REPS2: variants seen among roughly 807,000 people sequenced by gnomAD.
REPS2 encodes the protein ralBP1-associated Eps domain-containing protein 2.
REPS2 carries 23 observed loss-of-function variants against 53.6 expected under a neutral mutation model. The observed-to-expected ratio is 0.43, with a 90% CI of 0.31 to 0.61. The LOEUF (loss-of-function observed/expected upper bound fraction) is 0.61. Among genes scored for constraint, REPS2 ranks in the 20% least tolerant of loss-of-function variants. The pLI, the probability that REPS2 is intolerant of heterozygous loss-of-function variation, is 0.11. For synonymous variants in REPS2, 238 were observed against 218.6 expected (o/e 1.09, Z -0.78); for missense variants, 446 against 534.9 (o/e 0.83, Z 1.64).
intron 1 of REPS2, among the ~76,000 whole-genome samples, chrX:16,967,186 T>A (rs2060780750): frequency 8.9e-6 from 1 of 112,046 alleles, no homozygotes; most frequent in Non-Finnish European, 1.9e-5. Flanking sequence ...AAATTTAAAT[T>A]TCAGTTTCCA....
downstream of REPS2, among the ~76,000 whole-genome samples, chrX:17,157,175 AT>A (rs2063620423): frequency 9.0e-6 from 1 of 111,380 alleles, no homozygotes; most frequent in South Asian, 3.8e-4. Context: ...TTTTAAATTT[AT>A]TTTTTAAAAA....
the REPS2 span, among the ~76,000 whole-genome samples, chrX:17,165,458 G>A: frequency 9.0e-6 from 1 of 110,899 alleles, no homozygotes; most frequent in African/African-American, 3.3e-5. Flanking sequence ...TCTCCCCTTG[G>A]GCATTTAAAG....
chrX:17,016,753 CTTTTTTCTT>C (rs1014633483), intron 2 of REPS2, among the ~76,000 whole-genome samples: 2 of 63,101 alleles, frequency 3.2e-5, no homozygotes, highest in South Asian at 8.8e-4. Context: ...AAATATTTTT[CTTTTTTCTT>C]TTTTTTTTTT....
At chrX:17,091,202 A>C (rs924998573) in intron 13 of REPS2, among the ~76,000 whole-genome samples, 1 of 112,215 alleles carries the variant, frequency 8.9e-6, no homozygotes, top group South Asian at 3.7e-4. Flanking sequence ...ACAATGGCAT[A>C]TTTTTTAGAT....
At chrX:17,119,103 A>C (rs766689624) in intron 14 of REPS2, among the ~76,000 whole-genome samples, 2 of 112,053 alleles carry the variant, frequency 1.8e-5, no homozygotes, top group African/African-American at 6.5e-5. Flanking sequence ...AGTGGGTTCT[A>C]TTGCTATCCT....
chrX:17,130,603 C>G (rs748209389), intron 14 of REPS2, among the ~76,000 whole-genome samples: 1 of 112,002 alleles, frequency 8.9e-6, no homozygotes, highest in Non-Finnish European at 1.9e-5. Flanking sequence ...GTTGCTCCCA[C>G]TAGACTTCAA....
At chrX:17,083,180 T>C (rs1484742690) in intron 13 of REPS2, among the ~76,000 whole-genome samples, 1 of 106,908 alleles carries the variant, frequency 9.4e-6, no homozygotes, top group Non-Finnish European at 1.9e-5. Flanking sequence ...TCTCCCGGGT[T>C]CATGCCCATT....
At chrX:16,975,649 G>C (rs772849968) in intron 1 of REPS2, among the ~76,000 whole-genome samples, 1 of 111,773 alleles carries the variant, frequency 8.9e-6, no homozygotes, top group Admixed American at 9.5e-5. Flanking sequence ...TGATCATTTG[G>C]TTAAATTACT....
At chrX:17,123,752 C>T (rs769949745) in intron 14 of REPS2, among the ~76,000 whole-genome samples, 66 of 112,269 alleles carry the variant, frequency 5.9e-4, no homozygotes, top group Middle Eastern at 4.6e-3. Context: ...ATATTAGTAG[C>T]GGTAATATCC....
At chrX:17,085,262 G>A (rs1054225267) in intron 13 of REPS2, among the ~76,000 whole-genome samples, 2 of 112,298 alleles carry the variant, frequency 1.8e-5, no homozygotes, top group African/African-American at 6.5e-5. Context: ...GTACCACAGT[G>A]TCTTGATAAT....
Position 17,117,890 on chromosome X carries a change from A to G in REPS2, c.1578+14111A>G, listed in dbSNP as rs770517356. Among the ~76,000 whole-genome samples the G allele has an allele frequency of 4.3e-4, 46 of 107,996 alleles. 1 individual carries two copies. In the South Asian group the frequency reaches 0.019, roughly 44 times the overall value. The allele number at this position is 107,996 out of a possible 115,157, so 93.8% of individuals were successfully genotyped here. ...GGTTGAACTAGTTTACAGTCCCACC[A>G]ACAGTGTAAAAGTGTTCCTATTTCT... On this transcript the variant is annotated intron_variant, in intron 14 of 17. Transcript: ENST00000357277.
intron 14 of REPS2, among the ~76,000 whole-genome samples, chrX:17,104,587 A>G (rs764061873): frequency 9.0e-6 from 1 of 111,726 alleles, no homozygotes; most frequent in Non-Finnish European, 1.9e-5. Flanking sequence ...GGGACATCTC[A>G]GGACTCATGA....
chrX:16,988,419 C>G (rs545203572), intron 1 of REPS2, among the ~76,000 whole-genome samples: 1 of 112,404 alleles, frequency 8.9e-6, no homozygotes, highest in Admixed American at 9.4e-5. Context: ...ATAAGATAAA[C>G]ATACAAAAAT....
At chrX:17,103,679 TGG>T in intron 13 of REPS2, 37 bp from the exon 14 acceptor site, 1 of 1,170,588 alleles carries the variant, frequency 8.5e-7, no homozygotes, top group Non-Finnish European at 1.2e-6. Flanking sequence ...TGTTTATTTT[TGG>T]GGGGTGATCC....
chrX:17,160,869 C>A, the REPS2 span, among the ~76,000 whole-genome samples: 280 of 111,972 alleles, frequency 2.5e-3, no homozygotes, highest in Middle Eastern at 4.6e-3. Context: ...AACATAATGT[C>A]TTTAACTGTT....
chrX:17,166,617 C>A, the REPS2 span, among the ~76,000 whole-genome samples: 1 of 111,830 alleles, frequency 8.9e-6, no homozygotes, highest in Non-Finnish European at 1.9e-5. Flanking sequence ...AACCACCTTC[C>A]TGGCTGAGAA....
chrX:16,959,485 A>G (rs943879741), intron 1 of REPS2, among the ~76,000 whole-genome samples: 2 of 111,932 alleles, frequency 1.8e-5, no homozygotes, highest in African/African-American at 6.5e-5. Flanking sequence ...ACAACAGTGG[A>G]GTGACCCTCT....
intron 6 of REPS2, among the ~76,000 whole-genome samples, chrX:17,050,194 C>CTTTTT (rs200986826): frequency 1.9e-5 from 1 of 51,796 alleles, no homozygotes; most frequent in African/African-American, 9.5e-5. Context: ...TTCTTTCTTT[C>CTTTTT]TTTTTTTTTT....
At chrX:16,954,284 A>G (rs2060563133) in intron 1 of REPS2, among the ~76,000 whole-genome samples, 1 of 111,932 alleles carries the variant, frequency 8.9e-6, no homozygotes, top group African/African-American at 3.3e-5. Context: ...TAAAAATGGA[A>G]CATCTCAAAT....
Sources: gnomAD v4.1 joint callset for allele counts (sites outside exome capture counted in the v4.1 genomes callset) on GRCh38, gnomAD v4.1.1 for gene constraint, MANE v1.5 for transcripts, NCBI Gene and HGNC (gene_info 2026-07-23, HGNC 2026-07-21) for gene names.